Variants in SMS observed in about 807,000 individuals in gnomAD.
The protein encoded by SMS is spermidine aminopropyltransferase.
Under a neutral mutation model 33.0 loss-of-function variants are expected in SMS, and 3 were observed. The ratio of observed to expected loss-of-function variants is 0.09; its 90% CI spans 0.04 to 0.23. The LOEUF (loss-of-function observed/expected upper bound fraction) is 0.23, where lower values mean the gene tolerates loss of function less well. Among genes scored for constraint, SMS ranks in the 10% least tolerant of loss-of-function variants. SMS has a pLI of 1.00. For missense variants in SMS, 117 were observed against 288.6 expected, an observed-to-expected ratio of 0.41 and a Z score of 4.31; for synonymous variants, 103 against 112.2, an observed-to-expected ratio of 0.92 and a Z score of 0.52.
At chrX:21,986,347 C>CAAA (rs57792709) in intron 9 of SMS, among the ~76,000 whole-genome samples, 15 of 33,227 alleles carry the variant, frequency 4.5e-4, no homozygotes, top group African/African-American at 1.9e-3. Context: ...GACTACATCT[C>CAAA]AAAAAAAAAA....
intron 1 of SMS, among the ~76,000 whole-genome samples, chrX:21,944,544 A>AAAAAAAAAAAAAAAAAAAAAAAGAAAAG (rs1555992699): frequency 1.3e-4 from 13 of 99,042 alleles, no homozygotes; most frequent in East Asian, 3.4e-4. Flanking sequence ...AAAAAAAAAA[A>AAAAAAAAAAAAAAAAAAAAAAAGAAAAG]AGAAAAAAAA....
intron 1 of SMS, among the ~76,000 whole-genome samples, chrX:21,948,149 T>C (rs1463096964): frequency 8.9e-6 from 1 of 111,893 alleles, no homozygotes; most frequent in Non-Finnish European, 1.9e-5. Context: ...ACAATGATTC[T>C]TTTTAGATTG....
intron 1 of SMS, among the ~76,000 whole-genome samples, chrX:21,954,890 G>T (rs1055277924): frequency 2.7e-5 from 3 of 110,821 alleles, no homozygotes; most frequent in Non-Finnish European, 3.8e-5. Context: ...AGGATGAAGT[G>T]CAGTGGCGTG....
chrX:21,984,798 T>G (rs1317236830), intron 8 of SMS, among the ~76,000 whole-genome samples: 2 of 111,951 alleles, frequency 1.8e-5, no homozygotes, highest in African/African-American at 6.5e-5. Context: ...TAGTTCGTGT[T>G]TTTTTCTATA....
chrX:21,970,427 C>A (rs759087890), intron 2 of SMS, among the ~76,000 whole-genome samples: 1 of 111,983 alleles, frequency 8.9e-6, no homozygotes, highest in South Asian at 3.8e-4. Flanking sequence ...TTCCTTCCCC[C>A]TCTCCTCTCT....
rs1020200771 is a variant in SMS at position 21,958,663 on chromosome X, CTA to C, written c.50-8531_50-8530del. On this transcript the variant is annotated intron_variant, in intron 1 of 10. Transcript: ENST00000404933. The stretch of plus-strand genomic sequence containing the variant: ...GCAACCACTAATCTGCTTTACATCT[CTA>C]TGAGTTTGCCTTTTCTGTTTTGTTT... Among the ~76,000 whole-genome samples the C allele has an allele frequency of 3.6e-5, 4 of 112,321 alleles. No homozygotes were observed. The East Asian group carries it at 8.4e-4, about 23-fold the overall frequency.
At chrX:21,952,757 T>C (rs757679589) in intron 1 of SMS, among the ~76,000 whole-genome samples, 6 of 109,343 alleles carry the variant, frequency 5.5e-5, no homozygotes, top group Non-Finnish European at 1.1e-4. Context: ...GTGTTTTTTT[T>C]CTTGAGAGAC....
At chrX:21,961,449 A>G (rs1308010425) in intron 1 of SMS, among the ~76,000 whole-genome samples, 2 of 110,755 alleles carry the variant, frequency 1.8e-5, no homozygotes, top group Non-Finnish European at 3.8e-5. Flanking sequence ...TGCTGGGAGC[A>G]GTTGCACGGG....
chrX:21,944,734 T>A (rs1264735041), intron 1 of SMS, among the ~76,000 whole-genome samples: 1 of 108,467 alleles, frequency 9.2e-6, no homozygotes, highest in Non-Finnish European at 1.9e-5. Flanking sequence ...TCCCAGCACT[T>A]TGGGAGGCTG....
intron 1 of SMS, among the ~76,000 whole-genome samples, chrX:21,953,292 G>C (rs1922741987): frequency 9.2e-6 from 1 of 108,132 alleles, no homozygotes; most frequent in South Asian, 4.2e-4. Context: ...AGCATTTCGT[G>C]GGGGCAGGGG....
intron 1 of SMS, among the ~76,000 whole-genome samples, chrX:21,961,271 A>G (rs1260364371): frequency 9.1e-6 from 1 of 109,953 alleles, no homozygotes; most frequent in African/African-American, 3.3e-5. Context: ...TGAGGAAGTT[A>G]GGTCTGTAAG....
chrX:21,977,202 G>A lies in SMS; in HGVS notation c.471G>A (p.Gln157=), dbSNP rs1206112725. 1.7e-6 allele frequency: 2 copies of A among 1,208,569 alleles called. No homozygotes were observed. Among genetic ancestry groups the A allele is most frequent in the Admixed American group, 2.2e-5 (1 of 46,061 alleles). ...ATATAAAAATTCTACACTCGAAGCAGTTTGGAAATATTCTCATCCTTAGTG... is the reference window on the plus strand; with the variant it reads ...ATATAAAAATTCTACACTCGAAGCAATTTGGAAATATTCTCATCCTTAGTG... The part of the protein sequence containing the change: ...YQNIKILHSK[Q]FGNILILSGD... The change falls in exon 5 of 11, where the codon CAG becomes CAA. Residue 157 remains glutamine (Q), a synonymous_variant. Transcript: ENST00000404933.
At chrX:21,980,111 G>T (rs1924817073) in intron 7 of SMS, among the ~76,000 whole-genome samples, 1 of 110,456 alleles carries the variant, frequency 9.1e-6, no homozygotes, top group African/African-American at 3.3e-5. Flanking sequence ...GCTCAAGTAG[G>T]ATTTAGTTAG....
At chrX:21,962,591 C>T (rs1334825376) in intron 1 of SMS, among the ~76,000 whole-genome samples, 2 of 111,697 alleles carry the variant, frequency 1.8e-5, no homozygotes, top group Non-Finnish European at 3.8e-5. Flanking sequence ...CTGGGGCCCA[C>T]CCCCACATTT....
At chrX:21,942,636 C>T (rs1436350480) in intron 1 of SMS, among the ~76,000 whole-genome samples, 1 of 110,498 alleles carries the variant, frequency 9.0e-6, no homozygotes, top group Non-Finnish European at 1.9e-5. Flanking sequence ...AGCTGAAGAG[C>T]CAAGGTTTCA....
At chrX:21,972,633 G>T in intron 4 of SMS, 62 bp downstream of exon 4, 1 of 815,250 alleles carries the variant, frequency 1.2e-6, no homozygotes, top group Non-Finnish European at 1.9e-6. Context: ...AGTTGGCTGG[G>T]CGCGGTAGCT....
rs751939607 is a variant in SMS at position 21,984,324 on chromosome X, C to T, written c.771C>T (p.Ile257=). ...DCYQVLIEDC[I]PVLKRYAKEG... Reference sequence around the variant, plus strand: ...GGAAGGTTCTAATAGAAGACTGTATCCCGGTACTGAAGAGGTACGCCAAAG... The same window carrying T: ...GGAAGGTTCTAATAGAAGACTGTATTCCGGTACTGAAGAGGTACGCCAAAG... The change falls in exon 8 of 11, where the codon ATC becomes ATT. Residue 257 remains isoleucine, a synonymous_variant. Coordinates refer to ENST00000404933, the MANE Select transcript of SMS (RefSeq NM_004595.5). 3 of 1,172,869 alleles carry T rather than the reference C, an allele frequency of 2.6e-6. No individual in the cohort carries two copies. The highest frequency in any genetic ancestry group is 3.5e-6 in the Non-Finnish European group (3 of 860,301).
At chrX:21,957,662 A>G (rs1923063295) in intron 1 of SMS, among the ~76,000 whole-genome samples, 3 of 112,055 alleles carry the variant, frequency 2.7e-5, no homozygotes, top group African/African-American at 3.3e-5. Context: ...TGGTAATTCT[A>G]CTTCTAGTTC....
At chrX:21,963,094 T>A (rs373424625) in intron 1 of SMS, among the ~76,000 whole-genome samples, 76 of 112,411 alleles carry the variant, frequency 6.8e-4, no homozygotes, top group African/African-American at 2.4e-3. Flanking sequence ...AAACATTTAT[T>A]GAGCACCTGG....
Sources: allele counts gnomAD v4.1 joint callset (sites outside exome capture counted in the v4.1 genomes callset), GRCh38; gene constraint gnomAD v4.1.1; transcripts MANE v1.5; gene names NCBI Gene and HGNC (gene_info 2026-07-23, HGNC 2026-07-21).